Variants in CLIC5 observed in about 807,000 individuals in gnomAD.
CLIC5 encodes CLIC family member 5.
Under a neutral mutation model 24.7 loss-of-function variants are expected in CLIC5, and 20 were observed. The observed-to-expected ratio is 0.81, with a 90% CI of 0.57 to 1.18. The LOEUF is 1.18. Among genes scored for constraint, CLIC5 ranks in the 50% most tolerant of loss-of-function variants. The probability of loss-of-function intolerance (pLI) is 0.00; values close to 1 mark genes in which losing one functional copy is unlikely to be tolerated. For missense variants in CLIC5, 341 were observed against 326.1 expected, an observed-to-expected ratio of 1.05 and a Z score of -0.35; for synonymous variants, 159 against 135.6, an observed-to-expected ratio of 1.17 and a Z score of -1.20.
At chr6:46,004,898 G>C (rs922808076) in intron 1 of CLIC5, among the ~76,000 whole-genome samples, 6 of 152,198 alleles carry the variant, frequency 3.9e-5, no homozygotes, top group Non-Finnish European at 7.3e-5. Flanking sequence ...TTTGGTTTCA[G>C]GGGCAAATTC....
intron 3 of CLIC5, among the ~76,000 whole-genome samples, chr6:45,946,965 A>G (rs1330674901): frequency 6.6e-6 from 1 of 152,208 alleles, no homozygotes; most frequent in African/African-American, 2.4e-5. Flanking sequence ...AAAACCTCCT[A>G]TACACAACTG....
chr6:45,966,098 G>C (rs1166085665), intron 1 of CLIC5, among the ~76,000 whole-genome samples: 1 of 152,102 alleles, frequency 6.6e-6, no homozygotes, highest in Non-Finnish European at 1.5e-5. Context: ...CCCAAAATCT[G>C]TCATCCTAGC....
the CLIC5 span, among the ~76,000 whole-genome samples, chr6:46,113,738 G>C: frequency 1.3e-5 from 2 of 152,254 alleles, no homozygotes; most frequent in Middle Eastern, 3.4e-3. Flanking sequence ...TGCATTTGGA[G>C]ACAGGGCCTT....
intron 4 of CLIC5, among the ~76,000 whole-genome samples, chr6:45,926,925 C>T (rs568681805): frequency 2.0e-5 from 3 of 152,256 alleles, no homozygotes; most frequent in Admixed American, 6.5e-5. Flanking sequence ...TATGTTCTCA[C>T]GTCAAAGACA....
chr6:45,994,475 C>T (rs9472650), intron 1 of CLIC5, among the ~76,000 whole-genome samples: 39,344 of 151,866 alleles, frequency 0.26, 5,573 homozygotes, highest in East Asian at 0.5. Flanking sequence ...GAACAACGCA[C>T]ACCAGGGCAT....
chr6:46,068,385 C>A (rs1176435684), intron 1 of CLIC5, among the ~76,000 whole-genome samples: 1 of 152,128 alleles, frequency 6.6e-6, no homozygotes, highest in Non-Finnish European at 1.5e-5. Flanking sequence ...CCCAAGGCTT[C>A]CTCCTCCCTC....
chr6:46,104,973 A>G, the CLIC5 span, among the ~76,000 whole-genome samples: 1 of 152,124 alleles, frequency 6.6e-6, no homozygotes, highest in Non-Finnish European at 1.5e-5. Context: ...TCAGGGAATC[A>G]ATCTCTTTTG....
At chr6:46,030,080 C>T (rs115570315) in intron 1 of CLIC5, among the ~76,000 whole-genome samples, 4,480 of 152,172 alleles carry the variant, frequency 0.029, 234 homozygotes, top group African/African-American at 0.1. Flanking sequence ...AACTTTTAGC[C>T]TTTGTAACCT....
intron 1 of CLIC5, among the ~76,000 whole-genome samples, chr6:46,037,415 A>C (rs1469161376): frequency 6.6e-6 from 1 of 152,196 alleles, no homozygotes; most frequent in African/African-American, 2.4e-5. Flanking sequence ...GGAATGAATA[A>C]ATAAATAAGT....
chr6:46,059,544 T>A (rs539795792), intron 1 of CLIC5, among the ~76,000 whole-genome samples: 11 of 152,308 alleles, frequency 7.2e-5, no homozygotes, highest in African/African-American at 2.6e-4. Context: ...AATTCAACTG[T>A]TGGGACATTC....
At chr6:45,974,207 G>A (rs1005003808) in intron 1 of CLIC5, among the ~76,000 whole-genome samples, 1 of 151,722 alleles carries the variant, frequency 6.6e-6, no homozygotes, top group African/African-American at 2.4e-5. Flanking sequence ...CAGAAATCCT[G>A]GGTTTCTGTC....
At chr6:45,952,587 G>A (rs1442061229) in intron 2 of CLIC5, among the ~76,000 whole-genome samples, 5 of 152,334 alleles carry the variant, frequency 3.3e-5, no homozygotes, top group Admixed American at 6.5e-5. Context: ...AAAGTGTAGT[G>A]CCAGGAAAAT....
At chr6:45,958,217 T>C (rs1389930884) in intron 1 of CLIC5, among the ~76,000 whole-genome samples, 1 of 151,626 alleles carries the variant, frequency 6.6e-6, no homozygotes, top group Admixed American at 6.6e-5. Flanking sequence ...ATTGAAGTGA[T>C]GTATCTACAA....
At chr6:45,952,024 A>G (rs1239412436) in intron 2 of CLIC5, among the ~76,000 whole-genome samples, 8 of 152,182 alleles carry the variant, frequency 5.3e-5, no homozygotes, top group Admixed American at 2.6e-4. Context: ...ATGAAAGGAC[A>G]TTCTTTATTT....
intron 4 of CLIC5, among the ~76,000 whole-genome samples, chr6:45,940,504 G>A (rs1466089441): frequency 1.3e-5 from 2 of 152,224 alleles, no homozygotes; most frequent in Admixed American, 6.5e-5. Flanking sequence ...ACCATGCATA[G>A]CTGCATATGC....
At chr6:46,051,841 T>C (rs1427943432) in intron 1 of CLIC5, among the ~76,000 whole-genome samples, 1 of 152,214 alleles carries the variant, frequency 6.6e-6, no homozygotes, top group East Asian at 1.9e-4. Context: ...ATAATTCAAT[T>C]TGCCTAATGG....
chr6:45,926,361 C>T (rs1324772421), intron 4 of CLIC5, among the ~76,000 whole-genome samples: 1 of 151,466 alleles, frequency 6.6e-6, no homozygotes, highest in Non-Finnish European at 1.5e-5. Flanking sequence ...CATTCTCCTG[C>T]CTCAGCCTCC....
intron 1 of CLIC5, among the ~76,000 whole-genome samples, chr6:46,000,607 C>G (rs376354900): frequency 6.6e-6 from 1 of 152,124 alleles, no homozygotes; most frequent in African/African-American, 2.4e-5. Flanking sequence ...CTCACGGTTC[C>G]GCAGGGCTGG....
chr6:46,068,644 G>A (rs2127473558), intron 1 of CLIC5, among the ~76,000 whole-genome samples: 1 of 152,250 alleles, frequency 6.6e-6, no homozygotes, highest in South Asian at 2.1e-4. Flanking sequence ...CTGCATTTAA[G>A]ATAGGGTCTT....
Sources: allele counts gnomAD v4.1 joint callset (sites outside exome capture counted in the v4.1 genomes callset), GRCh38; gene constraint gnomAD v4.1.1; transcripts MANE v1.5; gene names NCBI Gene and HGNC (gene_info 2026-07-23, HGNC 2026-07-21).